PLEKHM3: variants seen among roughly 807,000 people sequenced by gnomAD.
PLEKHM3 encodes the protein pleckstrin homology domain containing M3.
In PLEKHM3, 45 loss-of-function variants were observed where a neutral mutation model predicts 81.8. The observed-to-expected ratio is 0.55, with a 90% CI of 0.43 to 0.71. The LOEUF is 0.71. PLEKHM3 is among the 30% of genes least tolerant of loss of function. The pLI, the probability that PLEKHM3 is intolerant of heterozygous loss-of-function variation, is 0.00. For missense variants in PLEKHM3, 788 were observed against 924.3 expected, an observed-to-expected ratio of 0.85 and a Z score of 1.91; for synonymous variants, 352 against 356.4, an observed-to-expected ratio of 0.99 and a Z score of 0.14.
chr2:207,860,854 C>A (rs879230994), intron 7 of PLEKHM3, among the ~76,000 whole-genome samples: 2 of 152,140 alleles, frequency 1.3e-5, no homozygotes, highest in Admixed American at 1.3e-4. Flanking sequence ...CTCTCTGTTA[C>A]CTAATAAGGC....
At chr2:207,953,854 C>T (rs1445250309) in intron 3 of PLEKHM3, among the ~76,000 whole-genome samples, 2 of 151,658 alleles carry the variant, frequency 1.3e-5, no homozygotes, top group Non-Finnish European at 1.5e-5. Flanking sequence ...TAAAGTTCCA[C>T]TGCACAGAGA....
chr2:208,001,027 T>C lies in PLEKHM3; in HGVS notation c.610+3A>G. ...AGGAAATAAATAAAATTTAAAAACA[T>C]ACCAGTATTTCCTTGAGCATCTTCT... is the stretch of plus-strand genomic sequence containing the variant. On this transcript the variant is annotated splice_donor_region_variant and intron_variant, in intron 2 of 7. Transcript: ENST00000427836. The C allele has an allele frequency of 6.7e-7, 1 of 1,490,884 alleles. No homozygotes were observed. The allele number at this position is 1,490,884 out of a possible 1,614,324, so 92.4% of individuals were successfully genotyped here.
chr2:207,845,646 CTACT>C (rs1559204844), intron 7 of PLEKHM3, among the ~76,000 whole-genome samples: 2 of 151,988 alleles, frequency 1.3e-5, no homozygotes, highest in Non-Finnish European at 2.9e-5. Context: ...TCGGTAATGC[CTACT>C]TAAATAATGA....
intron 3 of PLEKHM3, among the ~76,000 whole-genome samples, chr2:207,953,824 C>CAAA (rs35813793): frequency 7.2e-5 from 7 of 97,680 alleles, no homozygotes; most frequent in Admixed American, 1.1e-4. Flanking sequence ...ACTCTGTCTA[C>CAAA]AAAAAAAAAA....
chr2:207,951,082 C>T (rs1690313132), intron 3 of PLEKHM3, among the ~76,000 whole-genome samples: 2 of 152,192 alleles, frequency 1.3e-5, no homozygotes, highest in African/African-American at 2.4e-5. Flanking sequence ...ATTTCCTTTA[C>T]TATCAGAGTA....
At chr2:208,007,980 G>A (rs1298516096) in intron 1 of PLEKHM3, among the ~76,000 whole-genome samples, 2 of 152,180 alleles carry the variant, frequency 1.3e-5, no homozygotes, top group East Asian at 1.9e-4. Context: ...GTGAACCCGG[G>A]AGGCGGAGCT....
At position 208,001,283 on chromosome 2, in the gene PLEKHM3, G is replaced by T; in HGVS notation, c.357C>A (p.Phe119Leu). Residue 119 changes from phenylalanine (F) to leucine (L), a missense_variant, in exon 2 of 8, where the codon TTC (phenylalanine) becomes TTA (leucine). Transcript: ENST00000427836. ...CCCTCCGACGCTGACAGATATTGAA[G>T]AAATTAAAGGTTGATGCTTCCTTTT... is the stretch of plus-strand genomic sequence containing the variant. ...MEQKEASTFN[F>L]FNICQRRRDR... The T allele has an allele frequency of 1.2e-6, 2 of 1,614,218 alleles. No individual in the cohort carries two copies. The highest frequency in any genetic ancestry group is 1.1e-5 in the South Asian group (1 of 91,086).
intron 6 of PLEKHM3, among the ~76,000 whole-genome samples, chr2:207,879,234 C>G (rs2092574430): frequency 6.6e-6 from 1 of 152,202 alleles, no homozygotes; most frequent in African/African-American, 2.4e-5. Context: ...GGAATTTGAT[C>G]TCAGGCCTGT....
At chr2:208,012,203 G>A (rs1031914946) in intron 1 of PLEKHM3, among the ~76,000 whole-genome samples, 14 of 151,966 alleles carry the variant, frequency 9.2e-5, no homozygotes, top group African/African-American at 2.9e-4. Flanking sequence ...CACCACGCCC[G>A]GCTAATTTTT....
At chr2:207,902,137 C>T (rs1280874268) in intron 6 of PLEKHM3, among the ~76,000 whole-genome samples, 1 of 152,098 alleles carries the variant, frequency 6.6e-6, no homozygotes. Context: ...GCGCTGTGTT[C>T]CTGTGAGCTG....
At chr2:207,929,495 C>A (rs1345510179) in intron 5 of PLEKHM3, among the ~76,000 whole-genome samples, 1 of 152,128 alleles carries the variant, frequency 6.6e-6, no homozygotes, top group Non-Finnish European at 1.5e-5. Context: ...CCAAAAGGTA[C>A]TGAAAATAAT....
chr2:207,903,371 G>A (rs1688504569), intron 6 of PLEKHM3, among the ~76,000 whole-genome samples: 1 of 152,044 alleles, frequency 6.6e-6, no homozygotes, highest in African/African-American at 2.4e-5. Flanking sequence ...GCAGTGGAGG[G>A]AGTAGCGGGG....
chr2:207,943,203 G>C (rs1690001879), intron 4 of PLEKHM3, among the ~76,000 whole-genome samples: 1 of 152,274 alleles, frequency 6.6e-6, no homozygotes, highest in East Asian at 1.9e-4. Flanking sequence ...TCCCAACCCA[G>C]AGAAATGATA....
intron 4 of PLEKHM3, among the ~76,000 whole-genome samples, chr2:207,945,888 G>A (rs1690107682): frequency 6.7e-6 from 1 of 150,158 alleles, no homozygotes; most frequent in Non-Finnish European, 1.5e-5. Flanking sequence ...GTGATGGAGT[G>A]AGACAATGTC....
At chr2:207,950,808 C>T in intron 3 of PLEKHM3, among the ~76,000 whole-genome samples, 1 of 152,178 alleles carries the variant, frequency 6.6e-6, no homozygotes, top group East Asian at 1.9e-4. Context: ...TTCTAAAAAA[C>T]TGGCTATGTA....
intron 5 of PLEKHM3, among the ~76,000 whole-genome samples, chr2:207,914,921 C>T (rs1182616359): frequency 1.3e-5 from 2 of 152,106 alleles, no homozygotes; most frequent in African/African-American, 4.8e-5. Context: ...AGTGGGCAGC[C>T]CTGCTTATGC....
chr2:207,971,553 C>CT (rs141480984), intron 3 of PLEKHM3, among the ~76,000 whole-genome samples: 4,482 of 150,450 alleles, frequency 0.03, 211 homozygotes, highest in African/African-American at 0.1. Context: ...TCAATTAAAA[C>CT]TTTTTTTAAC....
intron 4 of PLEKHM3, among the ~76,000 whole-genome samples, chr2:207,943,286 C>T (rs1174528650): frequency 2.0e-5 from 3 of 151,826 alleles, no homozygotes; most frequent in Non-Finnish European, 2.9e-5. Context: ...TTACATATAC[C>T]CCATAAACAT....
chr2:208,023,330 T>C lies in PLEKHM3; in HGVS notation c.-319+2059A>G, dbSNP rs115902336. Among the ~76,000 whole-genome samples the C allele has an allele frequency of 1.0e-2, 1,514 of 152,140 alleles. 20 individuals carry two copies. The highest frequency in any genetic ancestry group is 0.016 in the Non-Finnish European group (1,101 of 68,024). On this transcript the variant is annotated intron_variant, in intron 1 of 7. Coordinates refer to ENST00000427836, the MANE Select transcript of PLEKHM3 (RefSeq NM_001080475.3). ...GCCCCATCTTAACTATTTTTAAGTGTACAGTTCAGTATTGTTAAGTACATT... is the reference window on the plus strand; with the variant it reads ...GCCCCATCTTAACTATTTTTAAGTGCACAGTTCAGTATTGTTAAGTACATT...
Sources: allele counts gnomAD v4.1 joint callset (sites outside exome capture counted in the v4.1 genomes callset), GRCh38; gene constraint gnomAD v4.1.1; transcripts MANE v1.5; gene names NCBI Gene and HGNC (gene_info 2026-07-23, HGNC 2026-07-21).